Variants in DNMT3B observed in about 807,000 individuals in gnomAD.
DNMT3B encodes the protein DNA (cytosine-5)-methyltransferase 3B.
Under a neutral mutation model 120.2 loss-of-function variants are expected in DNMT3B, and 37 were observed. The observed-to-expected ratio is 0.31, with a 90% CI of 0.24 to 0.40. The LOEUF is 0.40. Among genes scored for constraint, DNMT3B ranks in the 10% least tolerant of loss-of-function variants. The pLI is 1.00. For synonymous variants in DNMT3B, 412 were observed against 442.8 expected, an observed-to-expected ratio of 0.93 and a Z score of 0.87; for missense variants, 878 against 1,137.3, an observed-to-expected ratio of 0.77 and a Z score of 3.28.
intron 1 of DNMT3B, among the ~76,000 whole-genome samples, chr20:32,774,274 A>G (rs371941374): frequency 1.3e-5 from 2 of 150,382 alleles, no homozygotes; most frequent in East Asian, 2.0e-4. Flanking sequence ...CAGTGGTGCT[A>G]TCTCCGCTCA....
chr20:32,801,524 C>G (rs1335036301), intron 19 of DNMT3B, 98 bp downstream of exon 19: 1 of 1,507,884 alleles, frequency 6.6e-7, no homozygotes, highest in African/African-American at 1.4e-5. Context: ...TTGGGAATGA[C>G]TTTCCCGTTC....
chr20:32,787,504 G>A, intron 6 of DNMT3B, 53 bp downstream of exon 6: 1 of 1,575,292 alleles, frequency 6.3e-7, no homozygotes, highest in Non-Finnish European at 8.6e-7. Context: ...TGAACACGGG[G>A]AAAAACCAGT....
In DNMT3B at chr20:32,798,634, G is replaced by T. The variant is rs1165238579; in HGVS notation, c.1665G>T (p.Gly555=). The change falls in exon 15 of 23, where the codon GGG becomes GGT. Residue 555 remains glycine, a synonymous_variant. Coordinates refer to ENST00000328111, the MANE Select transcript of DNMT3B (RefSeq NM_006892.4). ...AGGCCTTCTTCACCAGTGACACGGG[G>T]CTTGAATATGTAAGCCACAGGCTCC... ...RLQAFFTSDT[G]LEYEAPKLYP... 6.2e-7 allele frequency: 1 copy of T among 1,613,804 alleles called. No individual in the cohort carries two copies. Among genetic ancestry groups the T allele is most frequent in the Admixed American group, 1.7e-5 (1 of 60,032 alleles).
intron 6 of DNMT3B, among the ~76,000 whole-genome samples, chr20:32,788,615 T>G (rs1979606079): frequency 6.6e-6 from 1 of 152,048 alleles, no homozygotes; most frequent in Non-Finnish European, 1.5e-5. Context: ...TTATAAATTC[T>G]TTTGTGGAAA....
At chr20:32,783,448 C>T (rs935798742) in intron 3 of DNMT3B, among the ~76,000 whole-genome samples, 1 of 151,964 alleles carries the variant, frequency 6.6e-6, no homozygotes, top group African/African-American at 2.4e-5. Flanking sequence ...TTACTGACAC[C>T]GTCTGTTTCC....
chr20:32,794,681 AT>A (rs200639532), intron 10 of DNMT3B, among the ~76,000 whole-genome samples: 1 of 152,120 alleles, frequency 6.6e-6, no homozygotes, highest in African/African-American at 2.4e-5. Context: ...ACAAATCATG[AT>A]TTTTTTAGCG....
chr20:32,800,749 C>A, intron 17 of DNMT3B, 86 bp from the exon 18 acceptor site: 3 of 1,464,034 alleles, frequency 2.0e-6, no homozygotes, highest in Non-Finnish European at 2.9e-6. Flanking sequence ...GCCACCTCGT[C>A]CAGCCCCACG....
rs952817053 is a variant in DNMT3B at position 32,792,880 on chromosome 20, G to A, written c.1066+110G>A. On this transcript the variant is annotated intron_variant, in intron 9 of 22. Coordinates refer to ENST00000328111, the MANE Select transcript of DNMT3B (RefSeq NM_006892.4). Reference sequence around the variant, plus strand: ...CACCCCACCCAGCTTTCTAGCAGCTGGTCTCAACTCTGAATGTTGGAAAAA... The same window carrying A: ...CACCCCACCCAGCTTTCTAGCAGCTAGTCTCAACTCTGAATGTTGGAAAAA... 9.3e-6 allele frequency: 14 copies of A among 1,499,798 alleles called. No individual in the cohort carries two copies. The Admixed American group carries it at 1.1e-4, about 12-fold the overall frequency. 92.9% of individuals were successfully genotyped at this position (1,499,798 alleles called of 1,614,324 possible). A position where few individuals can be genotyped will look rare whatever the true frequency, so the allele number is the denominator to read the frequency against.
Position 32,787,238 on chromosome 20 carries a change from A to G in DNMT3B, c.441A>G (p.Arg147=), listed in dbSNP as rs1979404280. 1 of 1,614,014 alleles carries G rather than the reference A, an allele frequency of 6.2e-7. No individual in the cohort carries two copies. The highest frequency in any genetic ancestry group is 8.5e-7 in the Non-Finnish European group (1 of 1,180,022). ...PVEFPATRSL[R]RRATASAGTP... is the part of the protein sequence containing the mutation. The stretch of plus-strand genomic sequence containing the variant: ...TGTCCTTCTGTCCACAGTCCCTGAG[A>G]CGGCGGGCAACAGCATCGGCAGGAA... Residue 147 remains arginine, a synonymous_variant, in exon 6 of 23, where the codon AGA becomes AGG. Transcript: ENST00000328111.
Position 32,806,270 on chromosome 20 carries a change from T to C in DNMT3B, c.2363T>C (p.Leu788Pro). ...TCGATCAAACAGGGGAAAAACCAACTTTTCCCTGTTGTCATGAATGGCAAA... is the reference window on the plus strand; with the variant it reads ...TCGATCAAACAGGGGAAAAACCAACCTTTCCCTGTTGTCATGAATGGCAAA... Reference protein sequence around the residue: ...SNSIKQGKNQLFPVVMNGKED... With the variant: ...SNSIKQGKNQPFPVVMNGKED... The change falls in exon 22 of 23, where the codon CTT (leucine) becomes CCT (proline). Residue 788 changes from leucine to proline, a missense_variant. Leu to Pro is a moderately conservative substitution (Grantham distance 98). Transcript: ENST00000328111. The C allele has an allele frequency of 1.9e-6, 3 of 1,614,170 alleles. No homozygotes were observed. The highest frequency in any genetic ancestry group is 2.5e-6 in the Non-Finnish European group (3 of 1,180,030).
In DNMT3B at chr20:32,800,148, C is replaced by G. The variant is rs1997797; in HGVS notation, c.1760-5C>G. On this transcript the variant is annotated splice_polypyrimidine_tract_variant and splice_region_variant and intron_variant, in intron 16 of 22. Transcript: ENST00000328111. ...TATGCTTCTGTGTCTCTCTGGCCCC[C>G]ACAGGCTACCTAGTCCTCAAAGAGT... 0.5 allele frequency: 803,680 copies of G among 1,613,836 alleles called. 212,830 individuals carry two copies. The highest frequency in any genetic ancestry group is 1 in the East Asian group (44,789 of 44,880).
At chr20:32,806,924 ATAGAG>A (rs1359313752) in intron 22 of DNMT3B, among the ~76,000 whole-genome samples, 2 of 152,238 alleles carry the variant, frequency 1.3e-5, no homozygotes, top group Non-Finnish European at 2.9e-5. Context: ...AGGCTTTGAT[ATAGAG>A]TATTTTCATT....
intron 19 of DNMT3B, 91 bp from the exon 20 acceptor site, chr20:32,802,294 G>A: frequency 7.3e-7 from 1 of 1,378,222 alleles, no homozygotes; most frequent in South Asian, 1.2e-5. Flanking sequence ...CTCATCCATA[G>A]TCAGGGAATA....
At chr20:32,771,569 G>A (rs770036725) in intron 1 of DNMT3B, among the ~76,000 whole-genome samples, 2 of 151,102 alleles carry the variant, frequency 1.3e-5, no homozygotes, top group African/African-American at 2.5e-5. Context: ...AGGAGGTGGA[G>A]GGGTTACAGT....
At chr20:32,800,805 C>T in intron 17 of DNMT3B, 30 bp from the exon 18 acceptor site, 1 of 1,610,898 alleles carries the variant, frequency 6.2e-7, no homozygotes, top group Non-Finnish European at 8.5e-7. Flanking sequence ...CTGTCCACAC[C>T]CTCATCCTGA....
At chr20:32,802,538 C>A in intron 20 of DNMT3B, 68 bp downstream of exon 20, 1 of 1,497,452 alleles carries the variant, frequency 6.7e-7, no homozygotes, top group Non-Finnish European at 9.3e-7. Context: ...CTCTGACATT[C>A]AAGCCTTCCT....
At chr20:32,765,414 CTT>C (rs1278784506) in intron 1 of DNMT3B, among the ~76,000 whole-genome samples, 1 of 132,210 alleles carries the variant, frequency 7.6e-6, no homozygotes, top group Non-Finnish European at 1.5e-5. Flanking sequence ...TTTTCTTTCT[CTT>C]TTTTTCTTTC....
At chr20:32,791,102 CACA>C (rs1437870726) in intron 7 of DNMT3B, among the ~76,000 whole-genome samples, 2 of 152,174 alleles carry the variant, frequency 1.3e-5, no homozygotes, top group African/African-American at 4.8e-5. Context: ...GTTAAATAAT[CACA>C]ACAAGTGAAA....
In DNMT3B at chr20:32,787,389, G is replaced by C. The variant is rs61758433; in HGVS notation, c.592G>C (p.Gly198Arg). The change falls in exon 6 of 23, where the codon GGG (glycine) becomes CGG (arginine). Residue 198 changes from glycine to arginine, a missense_variant. Physicochemically the swap from Gly to Arg is moderately radical, Grantham distance 125. Around this residue, in one of 4 missense-constraint regions of DNMT3B, gnomAD observed 287 missense variants for 306.2 expected, o/e 0.94. Transcript: ENST00000328111. Reference sequence around the variant, plus strand: ...CCGCCTAGCCCAGGACAGCCAGCAGGGGGGCATGGAGTCCCCGCAGGTGGA... The same window carrying C: ...CCGCCTAGCCCAGGACAGCCAGCAGCGGGGCATGGAGTCCCCGCAGGTGGA... ...YARLAQDSQQ[G>R]GMESPQVEAD... 1.8e-5 allele frequency: 29 copies of C among 1,614,116 alleles called. No homozygotes were observed. The highest frequency in any genetic ancestry group is 5.0e-5 in the Admixed American group (3 of 60,006).
Sources: gnomAD v4.1 joint callset for allele counts (sites outside exome capture counted in the v4.1 genomes callset) on GRCh38, gnomAD v4.1.1 for gene constraint, gnomAD v4.1.1 regional missense constraint, MANE v1.5 for transcripts, NCBI Gene and HGNC (gene_info 2026-07-23, HGNC 2026-07-21) for gene names.